The following HS6ST3 variants were observed in gnomAD, a reference collection of about 807,000 sequenced individuals.
The protein encoded by HS6ST3 is heparan sulfate 6-O-sulfotransferase 3, also known as heparan-sulfate 6-O-sulfotransferase 3.
A neutral mutation model predicts 36.7 loss-of-function variants in HS6ST3; 12 were observed. The observed-to-expected ratio is 0.33, with a 90% confidence interval of 0.21 to 0.53. The LOEUF is 0.53. Ranked by LOEUF, HS6ST3 falls within the 20% of genes least tolerant of loss-of-function variation. HS6ST3 has a pLI of 0.95. For missense variants in HS6ST3, 584 were observed against 640.9 expected (o/e 0.91, Z 0.96); for synonymous variants, 240 against 257.5 (o/e 0.93, Z 0.65).
At chr13:96,270,932 A>G (rs1015024291) in intron 1 of HS6ST3, among the ~76,000 whole-genome samples, 4 of 151,848 alleles carry the variant, frequency 2.6e-5, no homozygotes, top group Admixed American at 6.6e-5. Context: ...CAACTTTCAG[A>G]GCTCAACTCA....
chr13:96,176,287 G>A (rs2054212336), intron 1 of HS6ST3, among the ~76,000 whole-genome samples: 1 of 152,124 alleles, frequency 6.6e-6, no homozygotes, highest in South Asian at 2.1e-4. Context: ...GAAAAGAACT[G>A]AGGTGTGTCA....
Position 96,779,321 on chromosome 13 carries a change from A to G in HS6ST3, c.708-53169A>G, listed in dbSNP as rs565061084. ...TATTCCAGAACTTAAAGTATCAATA[A>G]TAATAATAATAATAATAATAATAAT... is the stretch of plus-strand genomic sequence containing the variant. On this transcript the variant is annotated intron_variant, in intron 1 of 1. Transcript: ENST00000376705. Among the ~76,000 whole-genome samples, 570 of 150,216 alleles carry G rather than the reference A, an allele frequency of 3.8e-3. 3 individuals carry two copies. The highest frequency in any genetic ancestry group is 0.013 in the African/African-American group (550 of 40,768).
At chr13:96,309,729 TC>T (rs2054931067) in intron 1 of HS6ST3, among the ~76,000 whole-genome samples, 1 of 152,190 alleles carries the variant, frequency 6.6e-6, no homozygotes, top group East Asian at 1.9e-4. Context: ...TTCTCTCTAT[TC>T]TTATCATTTA....
At chr13:96,721,709 A>C (rs943921449) in intron 1 of HS6ST3, among the ~76,000 whole-genome samples, 1 of 152,226 alleles carries the variant, frequency 6.6e-6, no homozygotes, top group African/African-American at 2.4e-5. Flanking sequence ...CTTAAACAAA[A>C]GTTTCAGACT....
intron 1 of HS6ST3, among the ~76,000 whole-genome samples, chr13:96,311,090 A>T (rs562435348): frequency 6.6e-6 from 1 of 152,314 alleles, no homozygotes; most frequent in Admixed American, 6.5e-5. Context: ...TAATGAATGA[A>T]TTTGATAACT....
chr13:96,474,453 C>G (rs1409708525), intron 1 of HS6ST3, among the ~76,000 whole-genome samples: 1 of 152,040 alleles, frequency 6.6e-6, no homozygotes, highest in Non-Finnish European at 1.5e-5. Flanking sequence ...AATATAGGGG[C>G]CTGGGAAGAC....
At chr13:96,437,864 T>G (rs2055650857) in intron 1 of HS6ST3, among the ~76,000 whole-genome samples, 1 of 152,342 alleles carries the variant, frequency 6.6e-6, no homozygotes, top group East Asian at 1.9e-4. Flanking sequence ...GGGGATACTC[T>G]TCATGTTAAA....
chr13:96,334,398 A>C lies in HS6ST3; in HGVS notation c.707+242829A>C, dbSNP rs140330998. Among the ~76,000 whole-genome samples, 531 of 152,288 alleles carry C rather than the reference A, an allele frequency of 3.5e-3. 7 individuals carry two copies. The highest frequency in any genetic ancestry group is 0.012 in the African/African-American group (512 of 41,550). ...AGATCCCTGACGTCTCCCCAGAAGC[A>C]GATGCCAGCATTATACCTCCTGTAC... On this transcript the variant is annotated intron_variant, in intron 1 of 1. Transcript: ENST00000376705.
At chr13:96,193,676 C>CG (rs2054299494) in intron 1 of HS6ST3, among the ~76,000 whole-genome samples, 2 of 152,044 alleles carry the variant, frequency 1.3e-5, no homozygotes, top group South Asian at 4.1e-4. Flanking sequence ...AAAAAGAAAG[C>CG]GAGAGGTAGG....
At chr13:96,219,087 C>T (rs772763789) in intron 1 of HS6ST3, among the ~76,000 whole-genome samples, 109 of 152,088 alleles carry the variant, frequency 7.2e-4, no homozygotes, top group Non-Finnish European at 1.3e-3. Flanking sequence ...CATTGCTAGT[C>T]GGCCTAAATT....
chr13:96,452,378 C>T (rs2055732690), intron 1 of HS6ST3, among the ~76,000 whole-genome samples: 1 of 152,148 alleles, frequency 6.6e-6, no homozygotes, highest in Non-Finnish European at 1.5e-5. Context: ...ACAAAGTTCT[C>T]CTTTTTTCCC....
chr13:96,305,614 A>C (rs2054908293), intron 1 of HS6ST3, among the ~76,000 whole-genome samples: 1 of 152,178 alleles, frequency 6.6e-6, no homozygotes, highest in Admixed American at 6.5e-5. Flanking sequence ...TATGTGACTA[A>C]TTTTAGAATC....
At chr13:96,606,388 G>A (rs771452159) in intron 1 of HS6ST3, among the ~76,000 whole-genome samples, 2 of 151,918 alleles carry the variant, frequency 1.3e-5, no homozygotes, top group Non-Finnish European at 2.9e-5. Flanking sequence ...ATACTATGCA[G>A]CCATTAAAAA....
At chr13:96,677,131 G>C (rs184720357) in intron 1 of HS6ST3, among the ~76,000 whole-genome samples, 1 of 152,202 alleles carries the variant, frequency 6.6e-6, no homozygotes, top group Admixed American at 6.5e-5. Flanking sequence ...TTGGAACTTA[G>C]GTTACATTAT....
intron 1 of HS6ST3, among the ~76,000 whole-genome samples, chr13:96,179,626 C>A (rs1317978755): frequency 1.3e-5 from 2 of 152,092 alleles, no homozygotes; most frequent in African/African-American, 4.8e-5. Flanking sequence ...GGCCAACATG[C>A]GGGAGACTAT....
chr13:96,410,294 T>A (rs1476291821), intron 1 of HS6ST3, among the ~76,000 whole-genome samples: 1 of 152,088 alleles, frequency 6.6e-6, no homozygotes, highest in African/African-American at 2.4e-5. Context: ...ATGAAGTTTT[T>A]ATAAATCAAT....
At chr13:96,620,047 GATGTATGC>G (rs1230950690) in intron 1 of HS6ST3, among the ~76,000 whole-genome samples, 2 of 152,220 alleles carry the variant, frequency 1.3e-5, no homozygotes, top group African/African-American at 4.8e-5. Flanking sequence ...ATTGGCAGGT[GATGTATGC>G]TTTGCATCTT....
chr13:96,285,693 A>G (rs2054798208), intron 1 of HS6ST3, among the ~76,000 whole-genome samples: 1 of 152,194 alleles, frequency 6.6e-6, no homozygotes, highest in Admixed American at 6.5e-5. Flanking sequence ...AGGACAAGGT[A>G]TCTTTCGATT....
intron 1 of HS6ST3, among the ~76,000 whole-genome samples, chr13:96,702,949 ATTG>A (rs1019315997): frequency 1.8e-4 from 28 of 152,292 alleles, no homozygotes; most frequent in African/African-American, 6.3e-4. Context: ...CAGTGTTGTT[ATTG>A]TTGTTATTTT....
Sources: allele counts gnomAD v4.1 joint callset (sites outside exome capture counted in the v4.1 genomes callset), GRCh38; gene constraint gnomAD v4.1.1; transcripts MANE v1.5; gene names NCBI Gene and HGNC (gene_info 2026-07-23, HGNC 2026-07-21).